PCP4: variants seen among roughly 807,000 people sequenced by gnomAD.
PCP4 encodes calmodulin regulator protein PCP4.
PCP4 carries 8 observed loss-of-function variants against 10.0 expected under a neutral mutation model. That is an observed-to-expected ratio of 0.80 (90% confidence interval 0.47 to 1.45). PCP4 has a LOEUF of 1.45. Among genes scored for constraint, PCP4 ranks in the 40% most tolerant of loss-of-function variants. The pLI is 0.00. For synonymous variants in PCP4, 21 were observed against 23.0 expected (o/e 0.91, Z 0.24); for missense variants, 54 against 74.4 (o/e 0.73, Z 1.01).
chr21:39,909,284 T>C (rs2087527942), intron 2 of PCP4, among the ~76,000 whole-genome samples: 1 of 152,222 alleles, frequency 6.6e-6, no homozygotes, highest in African/African-American at 2.4e-5. Flanking sequence ...CTCGGGCAGA[T>C]CCTGTATCTG....
chr21:39,873,723 A>T (rs552596512), intron 1 of PCP4, among the ~76,000 whole-genome samples: 20 of 152,320 alleles, frequency 1.3e-4, no homozygotes, highest in Admixed American at 1.3e-3. Flanking sequence ...TAGATATGGG[A>T]ATGTTCGATA....
intron 2 of PCP4, among the ~76,000 whole-genome samples, chr21:39,913,017 CTTAG>C (rs2087548339): frequency 6.6e-6 from 1 of 152,162 alleles, no homozygotes; most frequent in African/African-American, 2.4e-5. Context: ...AAACTCTACT[CTTAG>C]TTAATCTTTT....
At chr21:39,916,314 A>G (rs2087568113) in intron 2 of PCP4, 1 of 152,262 alleles carries the variant, frequency 6.6e-6, no homozygotes, top group South Asian at 2.1e-4. Context: ...TAAAAGCACA[A>G]GATTACCCCT....
At chr21:39,893,014 G>T (rs1449787839) in intron 1 of PCP4, among the ~76,000 whole-genome samples, 1 of 152,146 alleles carries the variant, frequency 6.6e-6, no homozygotes, top group Non-Finnish European at 1.5e-5. Context: ...GACACGGAGG[G>T]TAGAAGGATG....
intron 2 of PCP4, among the ~76,000 whole-genome samples, chr21:39,908,285 G>T (rs2087522765): frequency 6.6e-6 from 1 of 152,118 alleles, no homozygotes; most frequent in Non-Finnish European, 1.5e-5. Flanking sequence ...AGGTTAATGT[G>T]TGTTCCCCAC....
intron 2 of PCP4, among the ~76,000 whole-genome samples, chr21:39,928,686 A>G (rs1192474337): frequency 6.6e-6 from 1 of 152,232 alleles, no homozygotes; most frequent in Non-Finnish European, 1.5e-5. Context: ...CAGCACAGCC[A>G]GTATTAAAAC....
intron 1 of PCP4, among the ~76,000 whole-genome samples, chr21:39,879,269 A>C (rs2087360565): frequency 6.6e-6 from 1 of 152,184 alleles, no homozygotes; most frequent in Non-Finnish European, 1.5e-5. Context: ...GATTGTAGGC[A>C]TTAAGCCACC....
intron 2 of PCP4, among the ~76,000 whole-genome samples, chr21:39,908,611 G>A (rs1033237866): frequency 3.3e-4 from 50 of 152,190 alleles, no homozygotes; most frequent in African/African-American, 8.2e-4. Context: ...GCTCAGTGGC[G>A]CCCCAGGCTC....
chr21:39,874,036 C>T (rs1476421784), intron 1 of PCP4, among the ~76,000 whole-genome samples: 1 of 152,166 alleles, frequency 6.6e-6, no homozygotes, highest in Non-Finnish European at 1.5e-5. Context: ...ATATTTTACT[C>T]TTAACCTGCC....
At chr21:39,900,960 A>T (rs1008803442) in intron 2 of PCP4, among the ~76,000 whole-genome samples, 3 of 152,164 alleles carry the variant, frequency 2.0e-5, no homozygotes, top group Admixed American at 6.5e-5. Flanking sequence ...AACCCACTAC[A>T]TGTGAATGTA....
chr21:39,885,958 A>C (rs550611601), intron 1 of PCP4, among the ~76,000 whole-genome samples: 15 of 152,270 alleles, frequency 9.9e-5, no homozygotes, highest in African/African-American at 3.4e-4. Flanking sequence ...ATGAGGGAGA[A>C]TCTGCTCCAG....
rs183555659 is a variant in PCP4 at position 39,872,427 on chromosome 21, C to T, written c.9+4917C>T. Reference sequence around the variant, plus strand: ...CACTGGACACATTGAACTATTTGGACGCACAGATAATATCAGGACCTAAGC... The same window carrying T: ...CACTGGACACATTGAACTATTTGGATGCACAGATAATATCAGGACCTAAGC... On this transcript the variant is annotated intron_variant, in intron 1 of 2. Transcript: ENST00000328619. 1.2e-4 allele frequency among the ~76,000 whole-genome samples: 18 copies of T among 152,252 alleles called. No homozygotes were observed. The East Asian group carries it at 1.7e-3, about 15-fold the overall frequency.
intron 1 of PCP4, among the ~76,000 whole-genome samples, chr21:39,895,308 T>A (rs1355766390): frequency 6.6e-6 from 1 of 152,238 alleles, no homozygotes; most frequent in Non-Finnish European, 1.5e-5. Context: ...ATTTAAACAT[T>A]AACAAAGATC....
At chr21:39,905,819 C>T (rs574994680) in intron 2 of PCP4, among the ~76,000 whole-genome samples, 5 of 152,184 alleles carry the variant, frequency 3.3e-5, no homozygotes, top group South Asian at 2.1e-4. Flanking sequence ...GAGGCTGAGG[C>T]GGGTGGATCA....
intron 1 of PCP4, among the ~76,000 whole-genome samples, chr21:39,895,149 A>G (rs902474653): frequency 6.6e-6 from 1 of 151,810 alleles, no homozygotes; most frequent in Non-Finnish European, 1.5e-5. Flanking sequence ...TCTTCCATCC[A>G]TCCATCCATC....
At chr21:39,880,164 CTATA>C (rs1372772588) in intron 1 of PCP4, among the ~76,000 whole-genome samples, 2 of 143,800 alleles carry the variant, frequency 1.4e-5, no homozygotes, top group African/African-American at 3.0e-5. Flanking sequence ...ATATCTATAT[CTATA>C]TCTATATCTA....
At chr21:39,882,170 A>G (rs1267342546) in intron 1 of PCP4, among the ~76,000 whole-genome samples, 1 of 152,234 alleles carries the variant, frequency 6.6e-6, no homozygotes, top group Non-Finnish European at 1.5e-5. Flanking sequence ...TCAGCTCTAA[A>G]TATGGGCTTC....
chr21:39,889,601 A>G (rs1035011509), intron 1 of PCP4, among the ~76,000 whole-genome samples: 1 of 150,964 alleles, frequency 6.6e-6, no homozygotes, highest in Non-Finnish European at 1.5e-5. Flanking sequence ...TATTTTTAGT[A>G]GAGATGGGGT....
intron 1 of PCP4, among the ~76,000 whole-genome samples, chr21:39,878,028 C>CTTT (rs3831649): frequency 6.6e-6 from 1 of 151,174 alleles, no homozygotes; most frequent in Non-Finnish European, 1.5e-5. Flanking sequence ...ATTATGTCTT[C>CTTT]TATACCGTTT....
Sources: gnomAD v4.1 joint callset for allele counts (sites outside exome capture counted in the v4.1 genomes callset) on GRCh38, gnomAD v4.1.1 for gene constraint, MANE v1.5 for transcripts, NCBI Gene and HGNC (gene_info 2026-07-23, HGNC 2026-07-21) for gene names.